Variants in LZTFL1 observed in about 807,000 individuals in gnomAD.
LZTFL1 encodes the protein leucine zipper transcription factor like 1.
LZTFL1 carries 25 observed loss-of-function variants against 45.9 expected under a neutral mutation model. That is an observed-to-expected ratio of 0.54 (90% CI 0.40 to 0.76). LZTFL1 has a LOEUF of 0.76. Among genes scored for constraint, LZTFL1 ranks in the 30% least tolerant of loss-of-function variants. The pLI is 0.00. For synonymous variants in LZTFL1, 93 were observed against 117.4 expected, an observed-to-expected ratio of 0.79 and a Z score of 1.35; for missense variants, 277 against 331.1, an observed-to-expected ratio of 0.84 and a Z score of 1.27.
chr3:45,876,677 T>G (rs1468976023), intron 2 of LZTFL1, among the ~76,000 whole-genome samples: 1 of 152,180 alleles, frequency 6.6e-6, no homozygotes, highest in Non-Finnish European at 1.5e-5. Flanking sequence ...CATCCTATTT[T>G]ATAGATAAGG....
At chr3:45,837,876 C>A (rs1450435022) in intron 2 of LZTFL1, 51 bp downstream of exon 2, 1 of 1,537,264 alleles carries the variant, frequency 6.5e-7, no homozygotes, top group Non-Finnish European at 8.7e-7. Context: ...TACTGGCTAC[C>A]AGAAAGAATC....
chr3:45,827,219 T>C (rs1017533235), intron 9 of LZTFL1, 137 bp downstream of exon 9: 2 of 695,954 alleles, frequency 2.9e-6, no homozygotes, highest in Non-Finnish European at 2.5e-6. Flanking sequence ...TCCTCCACTT[T>C]CCTCAAATGA....
intron 2 of LZTFL1, among the ~76,000 whole-genome samples, chr3:45,872,887 C>A (rs897136893): frequency 6.6e-6 from 1 of 152,122 alleles, no homozygotes; most frequent in Non-Finnish European, 1.5e-5. Context: ...TGAGGTGCTT[C>A]TAAAGGCAAG....
At chr3:45,872,877 T>C (rs1701691526) in intron 2 of LZTFL1, among the ~76,000 whole-genome samples, 1 of 152,164 alleles carries the variant, frequency 6.6e-6, no homozygotes, top group Admixed American at 6.5e-5. Flanking sequence ...AATGTTTGCC[T>C]GAGGTGCTTC....
At chr3:45,851,063 T>C (rs187168863) in intron 4 of LZTFL1, among the ~76,000 whole-genome samples, 7 of 152,222 alleles carry the variant, frequency 4.6e-5, no homozygotes, top group Admixed American at 4.6e-4. Context: ...TCAGGACCTG[T>C]CTGCTCCCCA....
intron 2 of LZTFL1, among the ~76,000 whole-genome samples, chr3:45,876,590 T>C (rs1287988424): frequency 6.6e-6 from 1 of 152,170 alleles, no homozygotes; most frequent in Non-Finnish European, 1.5e-5. Flanking sequence ...AGCATTGCCA[T>C]GTGCCAGGCG....
intron 2 of LZTFL1, among the ~76,000 whole-genome samples, chr3:45,867,488 T>C (rs1415016007): frequency 6.6e-6 from 1 of 151,946 alleles, no homozygotes; most frequent in Admixed American, 6.6e-5. Context: ...ATCTTTGGGG[T>C]GAATTGGAAT....
At chr3:45,910,173 TG>T (rs1444033707) in intron 2 of LZTFL1, among the ~76,000 whole-genome samples, 1 of 152,052 alleles carries the variant, frequency 6.6e-6, no homozygotes, top group Non-Finnish European at 1.5e-5. Context: ...GGGTGGTGGC[TG>T]GGGGTTAGGG....
At chr3:45,826,798 C>T (rs1010205100) in intron 9 of LZTFL1, among the ~76,000 whole-genome samples, 1 of 152,178 alleles carries the variant, frequency 6.6e-6, no homozygotes, top group Non-Finnish European at 1.5e-5. Flanking sequence ...ACTATAAATA[C>T]ATGGTGGGAG....
chr3:45,886,249 T>C (rs2286486), intron 2 of LZTFL1, among the ~76,000 whole-genome samples: 29,601 of 152,176 alleles, frequency 0.19, 3,093 homozygotes, highest in East Asian at 0.28. Flanking sequence ...CTGACAAGGC[T>C]GACTTCTCTC....
chr3:45,867,499 TA>T (rs1392584835), intron 2 of LZTFL1, among the ~76,000 whole-genome samples: 1 of 152,108 alleles, frequency 6.6e-6, no homozygotes, highest in Non-Finnish European at 1.5e-5. Flanking sequence ...GAATTGGAAT[TA>T]AAAGGCAAGG....
intron 4 of LZTFL1, among the ~76,000 whole-genome samples, chr3:45,852,312 T>TATTCTTCTAA (rs1701321389): frequency 6.6e-6 from 1 of 152,204 alleles, no homozygotes; most frequent in African/African-American, 2.4e-5. Context: ...GCCAGCAATT[T>TATTCTTCTAA]GCCTTCACTT....
chr3:45,848,311 G>A (rs573000482), intron 4 of LZTFL1, among the ~76,000 whole-genome samples: 2 of 152,344 alleles, frequency 1.3e-5, no homozygotes, highest in South Asian at 4.1e-4. Flanking sequence ...GAGGGCAGCT[G>A]CAGCTGCAGA....
intron 2 of LZTFL1, among the ~76,000 whole-genome samples, chr3:45,893,133 C>G (rs1702241399): frequency 6.6e-6 from 1 of 151,834 alleles, no homozygotes; most frequent in Non-Finnish European, 1.5e-5. Flanking sequence ...CCCTCCCACA[C>G]TCCCCTTCCC....
chr3:45,879,297 A>G (rs1299941548), intron 2 of LZTFL1, among the ~76,000 whole-genome samples: 5 of 152,246 alleles, frequency 3.3e-5, no homozygotes, highest in African/African-American at 4.8e-5. Flanking sequence ...AAACTGTGAC[A>G]CATCCAGACA....
intron 2 of LZTFL1, among the ~76,000 whole-genome samples, chr3:45,906,105 G>C (rs1330976633): frequency 6.6e-6 from 1 of 152,096 alleles, no homozygotes; most frequent in East Asian, 1.9e-4. Flanking sequence ...CTCACCAGGG[G>C]CTGCCAATTC....
In LZTFL1 at chr3:45,827,425, T is replaced by A; in HGVS notation, c.812A>T (p.Tyr271Phe). The A allele has an allele frequency of 6.2e-7, 1 of 1,613,858 alleles. No homozygotes were observed. The highest frequency in any genetic ancestry group is 8.5e-7 in the Non-Finnish European group (1 of 1,179,766). Residue 271 changes from tyrosine to phenylalanine, a missense_variant, in exon 9 of 10, where the codon TAT (tyrosine) becomes TTT (phenylalanine). Physicochemically the swap from Tyr to Phe is conservative, Grantham distance 22. Transcript: ENST00000296135. ...LEKKFQQTAA[Y>F]RNMKEILTKK... is the part of the protein sequence containing the mutation. Reference sequence around the variant, plus strand: ...GGTAAGAATCTCTTTCATGTTTCGATAAGCTGCTGTTTGCTGAAATTTCTT... The same window carrying A: ...GGTAAGAATCTCTTTCATGTTTCGAAAAGCTGCTGTTTGCTGAAATTTCTT...
chr3:45,911,861 G>A lies in LZTFL1; in HGVS notation c.-215+1259C>T, dbSNP rs143096928. 4.6e-3 allele frequency among the ~76,000 whole-genome samples: 696 copies of A among 152,358 alleles called. 2 individuals carry two copies. The highest frequency in any genetic ancestry group is 7.7e-3 in the Non-Finnish European group (524 of 68,034). On this transcript the variant is annotated intron_variant, in intron 2 of 4. Transcript: ENST00000472635. ...TTTTTACTGGGAATTTGAGATGGCC[G>A]TAAGATGATGTGAATGTCTTTTTAG... is the stretch of plus-strand genomic sequence containing the variant.
At chr3:45,850,028 A>G (rs1048226382) in intron 4 of LZTFL1, among the ~76,000 whole-genome samples, 1 of 152,162 alleles carries the variant, frequency 6.6e-6, no homozygotes, top group Non-Finnish European at 1.5e-5. Context: ...AGAAGGTTCT[A>G]TTTGTGTGTT....
Sources: gnomAD v4.1 joint callset for allele counts (sites outside exome capture counted in the v4.1 genomes callset) on GRCh38, gnomAD v4.1.1 for gene constraint, MANE v1.5 for transcripts, NCBI Gene and HGNC (gene_info 2026-07-23, HGNC 2026-07-21) for gene names.